IGSF5: variants seen among roughly 807,000 people sequenced by gnomAD.
The protein encoded by IGSF5 is immunoglobulin superfamily member 5.
A neutral mutation model predicts 39.4 loss-of-function variants in IGSF5; 41 were observed. That is an observed-to-expected ratio of 1.04 (90% CI 0.81 to 1.35). The LOEUF is 1.35. Among genes scored for constraint, IGSF5 ranks in the 40% most tolerant of loss-of-function variants. The pLI, the probability that IGSF5 is intolerant of heterozygous loss-of-function variation, is 0.00. For missense variants in IGSF5, 487 were observed against 494.6 expected, an observed-to-expected ratio of 0.98 and a Z score of 0.15; for synonymous variants, 183 against 175.3, an observed-to-expected ratio of 1.04 and a Z score of -0.34.
intron 2 of IGSF5, among the ~76,000 whole-genome samples, chr21:39,753,137 A>G (rs2080013891): frequency 6.6e-6 from 1 of 152,132 alleles, no homozygotes; most frequent in African/African-American, 2.4e-5. Flanking sequence ...CATAGATTTA[A>G]GTCTTTCATC....
chr21:39,756,345 C>T (rs998215901), intron 2 of IGSF5, among the ~76,000 whole-genome samples: 18 of 152,144 alleles, frequency 1.2e-4, no homozygotes, highest in African/African-American at 3.4e-4. Flanking sequence ...ATGAGATGTC[C>T]GCAGATCAAG....
At chr21:39,797,925 A>G (rs1408991649) in intron 8 of IGSF5, among the ~76,000 whole-genome samples, 1 of 152,242 alleles carries the variant, frequency 6.6e-6, no homozygotes, top group Non-Finnish European at 1.5e-5. Flanking sequence ...TGGGTCATTT[A>G]GAAAAGTTAA....
chr21:39,796,606 G>A (rs1490585768), intron 8 of IGSF5, among the ~76,000 whole-genome samples: 1 of 152,230 alleles, frequency 6.6e-6, no homozygotes, highest in African/African-American at 2.4e-5. Flanking sequence ...CTGAGCTGCT[G>A]CCGCATGTTT....
chr21:39,778,961 A>G, intron 4 of IGSF5, 129 bp from the exon 5 acceptor site: 1 of 1,069,344 alleles, frequency 9.4e-7, no homozygotes, highest in Non-Finnish European at 1.3e-6. Context: ...AACTTGGCCT[A>G]TGACGCCTAG....
chr21:39,756,051 A>G (rs537444812), intron 2 of IGSF5, among the ~76,000 whole-genome samples: 2 of 152,304 alleles, frequency 1.3e-5, no homozygotes, highest in African/African-American at 4.8e-5. Context: ...AGATCGTGCC[A>G]TTGCACTCCA....
the IGSF5 span, among the ~76,000 whole-genome samples, chr21:39,716,507 C>T: frequency 1.5e-4 from 23 of 152,196 alleles, no homozygotes; most frequent in African/African-American, 4.1e-4. Context: ...CCACCCTCTC[C>T]GCTCAAGCAG....
Position 39,757,818 on chromosome 21 carries a change from C to T in IGSF5, c.101-7717C>T, listed in dbSNP as rs143543924. Reference sequence around the variant, plus strand: ...TCTCGAACTCCTGACCTCAAACGATCCACCTGCCTTGGCCTCCCAAAGTGT... The same window carrying T: ...TCTCGAACTCCTGACCTCAAACGATTCACCTGCCTTGGCCTCCCAAAGTGT... On this transcript the variant is annotated intron_variant, in intron 2 of 8. Coordinates refer to ENST00000380588, the MANE Select transcript of IGSF5 (RefSeq NM_001080444.2). Among the ~76,000 whole-genome samples the T allele has an allele frequency of 2.9e-4, 44 of 152,298 alleles. No individual in the cohort carries two copies. In the East Asian group the frequency reaches 4.6e-3, roughly 16 times the overall value.
chr21:39,750,335 A>C (rs1466247578), intron 2 of IGSF5, among the ~76,000 whole-genome samples: 1 of 152,022 alleles, frequency 6.6e-6, no homozygotes, highest in Non-Finnish European at 1.5e-5. Flanking sequence ...GATTATCAAA[A>C]AGGACCATTA....
At chr21:39,762,803 A>C (rs1325414044) in intron 2 of IGSF5, among the ~76,000 whole-genome samples, 3 of 152,104 alleles carry the variant, frequency 2.0e-5, no homozygotes, top group African/African-American at 4.8e-5. Context: ...GAGGGTTTGT[A>C]GGGTGGACTC....
chr21:39,746,289 G>A lies in IGSF5; in HGVS notation c.91G>A (p.Val31Met). 1 of 701,076 alleles carries A rather than the reference G, an allele frequency of 1.4e-6. No homozygotes were observed. The allele number at this position is 701,076 out of a possible 1,614,324, so 43.4% of individuals were successfully genotyped here. A position where few individuals can be genotyped will look rare whatever the true frequency, so the allele number is the denominator to read the frequency against. The change falls in exon 2 of 9, where the codon GTG becomes ATG. Residue 31 changes from valine (V) to methionine (M), a missense_variant. Val to Met is a conservative substitution (Grantham distance 21). Transcript: ENST00000380588. ...GGGTCTGCGATGGTGGCAAACAGCAGTGGTGGACGGTGAGTGAAAGCTCAG... is the reference window on the plus strand; with the variant it reads ...GGGTCTGCGATGGTGGCAAACAGCAATGGTGGACGGTGAGTGAAAGCTCAG... The part of the protein sequence containing the change: ...AAGLRWWQTA[V>M]VDGSGSGNEV...
At chr21:39,749,663 G>C (rs1282794814) in intron 2 of IGSF5, among the ~76,000 whole-genome samples, 1 of 152,234 alleles carries the variant, frequency 6.6e-6, no homozygotes. Context: ...CAATCAATAA[G>C]TGTAATGTGT....
intron 3 of IGSF5, among the ~76,000 whole-genome samples, chr21:39,766,073 CTCTT>C (rs956259906): frequency 2.8e-4 from 42 of 152,208 alleles, no homozygotes; most frequent in African/African-American, 9.9e-4. Flanking sequence ...TTCTCCCCCT[CTCTT>C]CCTTCCTGTG....
intron 5 of IGSF5, 42 bp downstream of exon 5, chr21:39,779,347 T>A: frequency 6.3e-7 from 1 of 1,592,378 alleles, no homozygotes; most frequent in South Asian, 1.1e-5. Context: ...ACTTCTGAAC[T>A]TTTGGTACAA....
intron 8 of IGSF5, among the ~76,000 whole-genome samples, chr21:39,794,872 G>A (rs548307402): frequency 6.6e-6 from 1 of 152,164 alleles, no homozygotes; most frequent in African/African-American, 2.4e-5. Flanking sequence ...AGGGAGCTCT[G>A]GGCAATAATA....
chr21:39,713,868 C>T, the IGSF5 span, among the ~76,000 whole-genome samples: 1 of 152,210 alleles, frequency 6.6e-6, no homozygotes, highest in Admixed American at 6.5e-5. Context: ...CATAGGGTTT[C>T]TCTCTTATCT....
At chr21:39,742,849 C>T (rs911963935), upstream of IGSF5, among the ~76,000 whole-genome samples, 49 of 152,048 alleles carry the variant, frequency 3.2e-4, no homozygotes, top group African/African-American at 1.2e-3. Flanking sequence ...AGCGAGGTTG[C>T]CAAGTTCAAT....
intron 2 of IGSF5, among the ~76,000 whole-genome samples, chr21:39,764,176 C>T (rs1468999491): frequency 1.3e-5 from 2 of 152,150 alleles, no homozygotes; most frequent in Non-Finnish European, 1.5e-5. Context: ...GGGACTGTTC[C>T]TGGTGGCGGC....
chr21:39,767,095 G>T (rs994466584), intron 3 of IGSF5, among the ~76,000 whole-genome samples: 1 of 152,134 alleles, frequency 6.6e-6, no homozygotes, highest in Non-Finnish European at 1.5e-5. Context: ...AGGCTATTTA[G>T]GACTGTTGGC....
At chr21:39,789,485 A>T (rs993629535) in intron 6 of IGSF5, among the ~76,000 whole-genome samples, 4 of 152,290 alleles carry the variant, frequency 2.6e-5, no homozygotes, top group African/African-American at 9.6e-5. Context: ...TAAGCTCCAG[A>T]GGGATAATGG....
Sources: allele counts gnomAD v4.1 joint callset (sites outside exome capture counted in the v4.1 genomes callset), GRCh38; gene constraint gnomAD v4.1.1; transcripts MANE v1.5; gene names NCBI Gene and HGNC (gene_info 2026-07-23, HGNC 2026-07-21).